Variants in SORCS3 observed in about 807,000 individuals in gnomAD.
The protein encoded by SORCS3 is VPS10 domain-containing receptor SorCS3.
In SORCS3, 57 loss-of-function variants were observed where a neutral mutation model predicts 146.3. The ratio of observed to expected loss-of-function variants is 0.39; its 90% CI spans 0.31 to 0.49. The LOEUF is 0.49. Among genes scored for constraint, SORCS3 ranks in the 20% least tolerant of loss-of-function variants. The pLI is 0.92. For synonymous variants in SORCS3, 653 were observed against 618.5 expected (o/e 1.06, Z -0.83); for missense variants, 1,341 against 1,575.5 (o/e 0.85, Z 2.52).
At chr10:105,094,521 A>G (rs1343891533) in intron 6 of SORCS3, among the ~76,000 whole-genome samples, 2 of 152,186 alleles carry the variant, frequency 1.3e-5, no homozygotes, top group Non-Finnish European at 2.9e-5. Flanking sequence ...TAAAATCTAT[A>G]TATACTGTGC....
chr10:105,242,575 T>TATTTATATACATTTATATATTTATATAC (rs1564793625), intron 20 of SORCS3, among the ~76,000 whole-genome samples: 60 of 55,610 alleles, frequency 1.1e-3, no homozygotes, highest in African/African-American at 4.7e-3. Context: ...TATATTTATA[T>TATTTATATACATTTATATATTTATATAC]ATTTATATAT....
intron 1 of SORCS3, among the ~76,000 whole-genome samples, chr10:104,779,728 G>A (rs375096959): frequency 3.2e-4 from 49 of 152,188 alleles, no homozygotes; most frequent in African/African-American, 9.9e-4. Flanking sequence ...GGCTTCTGCT[G>A]CTGATCAACA....
chr10:105,138,948 AAT>A (rs1338467374), intron 7 of SORCS3, among the ~76,000 whole-genome samples: 1 of 152,256 alleles, frequency 6.6e-6, no homozygotes, highest in Non-Finnish European at 1.5e-5. Context: ...ATTTCAAAAT[AAT>A]GAGAGCTTTG....
chr10:105,061,554 C>G (rs1348058942), intron 5 of SORCS3, among the ~76,000 whole-genome samples: 1 of 151,362 alleles, frequency 6.6e-6, no homozygotes, highest in African/African-American at 2.4e-5. Context: ...CTCGGCCCCC[C>G]AAAGTGCTTG....
intron 3 of SORCS3, among the ~76,000 whole-genome samples, chr10:104,917,444 A>T (rs1171508253): frequency 6.6e-6 from 1 of 152,220 alleles, no homozygotes; most frequent in Non-Finnish European, 1.5e-5. Flanking sequence ...TGGAATGGTT[A>T]AATCTAGCTA....
At chr10:105,028,876 A>G (rs577639532) in intron 4 of SORCS3, among the ~76,000 whole-genome samples, 3 of 152,306 alleles carry the variant, frequency 2.0e-5, no homozygotes, top group Non-Finnish European at 4.4e-5. Flanking sequence ...GCAGCCCTTA[A>G]CAAGTTCTCA....
intron 24 of SORCS3, 61 bp from the exon 25 acceptor site, chr10:105,256,758 C>T: frequency 7.7e-7 from 1 of 1,298,354 alleles, no homozygotes. Flanking sequence ...AATACTCCCT[C>T]CAGCTAACAG....
At chr10:104,826,895 T>G (rs2017941942) in intron 1 of SORCS3, among the ~76,000 whole-genome samples, 1 of 152,244 alleles carries the variant, frequency 6.6e-6, no homozygotes, top group Non-Finnish European at 1.5e-5. Flanking sequence ...ATAGTCTAAA[T>G]CTTCTGTTGT....
At chr10:104,766,864 C>T (rs2017186897) in intron 1 of SORCS3, among the ~76,000 whole-genome samples, 1 of 152,196 alleles carries the variant, frequency 6.6e-6, no homozygotes, top group African/African-American at 2.4e-5. Flanking sequence ...TTTCTGTTTC[C>T]ACCCAAAGGG....
At chr10:104,965,720 A>G in intron 3 of SORCS3, among the ~76,000 whole-genome samples, 1 of 152,170 alleles carries the variant, frequency 6.6e-6, no homozygotes, top group Non-Finnish European at 1.5e-5. Flanking sequence ...TCATTTGTAT[A>G]GCTCTGGAGA....
At chr10:104,883,588 T>G (rs186061633) in intron 2 of SORCS3, among the ~76,000 whole-genome samples, 1 of 152,202 alleles carries the variant, frequency 6.6e-6, no homozygotes, top group African/African-American at 2.4e-5. Flanking sequence ...AATGCCTTCT[T>G]TGGGTCAAGT....
chr10:105,045,021 G>GAAAAAAAAAAAAAAAA (rs35904016), intron 5 of SORCS3, among the ~76,000 whole-genome samples: 5 of 118,004 alleles, frequency 4.2e-5, no homozygotes, highest in African/African-American at 1.7e-4. Flanking sequence ...TCCAGAATTC[G>GAAAAAAAAAAAAAAAA]AAAAAAAAAA....
intron 4 of SORCS3, among the ~76,000 whole-genome samples, chr10:105,011,113 T>A (rs2055133723): frequency 1.3e-5 from 2 of 152,206 alleles, no homozygotes; most frequent in African/African-American, 4.8e-5. Flanking sequence ...TGTTGTTCTT[T>A]AGATAGGAAA....
chr10:105,138,963 C>A (rs1377009), intron 7 of SORCS3, among the ~76,000 whole-genome samples: 5 of 152,068 alleles, frequency 3.3e-5, no homozygotes, highest in African/African-American at 7.2e-5. Context: ...GAGCTTTGAA[C>A]AATAGTAATT....
At chr10:104,894,196 T>C (rs2018776596) in intron 2 of SORCS3, among the ~76,000 whole-genome samples, 2 of 152,244 alleles carry the variant, frequency 1.3e-5, no homozygotes, top group South Asian at 4.1e-4. Flanking sequence ...ATGTCAGTTT[T>C]ATAAGCCCAT....
At chr10:104,975,161 C>T (rs1313501167) in intron 3 of SORCS3, among the ~76,000 whole-genome samples, 1 of 151,954 alleles carries the variant, frequency 6.6e-6, no homozygotes, top group East Asian at 1.9e-4. Context: ...CTAGAAAACC[C>T]CATTGTCTCA....
At chr10:104,642,408 C>T (rs1039213931) in intron 1 of SORCS3, among the ~76,000 whole-genome samples, 1 of 145,474 alleles carries the variant, frequency 6.9e-6, no homozygotes, top group Non-Finnish European at 1.5e-5. Flanking sequence ...CCTCCCGTCA[C>T]GCGAAAGGGA....
intron 4 of SORCS3, among the ~76,000 whole-genome samples, chr10:105,009,527 C>CAAAAAAAAAAACAAAAAAAAAAAAAAA: frequency 9.5e-6 from 1 of 105,152 alleles, no homozygotes; most frequent in Non-Finnish European, 2.1e-5. Flanking sequence ...AACAAACAAA[C>CAAAAAAAAAAACAAAAAAAAAAAAAAA]AAAAAAAAAA....
At chr10:104,689,511 C>T (rs1037265644) in intron 1 of SORCS3, among the ~76,000 whole-genome samples, 3 of 152,220 alleles carry the variant, frequency 2.0e-5, no homozygotes, top group African/African-American at 7.2e-5. Flanking sequence ...GTTGGTTCTA[C>T]TTGGGACACT....
Sources: allele counts gnomAD v4.1 joint callset (sites outside exome capture counted in the v4.1 genomes callset), GRCh38; gene constraint gnomAD v4.1.1; transcripts MANE v1.5; gene names NCBI Gene and HGNC (gene_info 2026-07-23, HGNC 2026-07-21).